LETM1: variants seen among roughly 807,000 people sequenced by gnomAD.
LETM1 encodes leucine zipper and EF-hand containing transmembrane protein 1.
Under a neutral mutation model 74.5 loss-of-function variants are expected in LETM1, and 50 were observed. The observed-to-expected ratio is 0.67, with a 90% confidence interval of 0.53 to 0.85. The LOEUF (loss-of-function observed/expected upper bound fraction) is 0.85. Among genes scored for constraint, LETM1 ranks in the 40% least tolerant of loss-of-function variants. LETM1 has a pLI of 0.00. For synonymous variants in LETM1, 446 were observed against 407.1 expected (o/e 1.10, Z -1.15); for missense variants, 824 against 967.8 (o/e 0.85, Z 1.97).
chr4:1,851,959 C>T (rs897713502), intron 1 of LETM1, among the ~76,000 whole-genome samples: 3 of 152,240 alleles, frequency 2.0e-5, no homozygotes, highest in African/African-American at 7.2e-5. Flanking sequence ...CAGTCAAGGC[C>T]GTTCGGGGTG....
rs1722484178 is a variant in LETM1 at position 1,812,029 on chromosome 4, TC to T, written c.*2394del. The T allele has an allele frequency of 6.6e-6, 1 of 151,878 alleles. No individual in the cohort carries two copies. Among genetic ancestry groups the T allele is most frequent in the African/African-American group, 2.4e-5 (1 of 41,306 alleles). The allele number at this position is 151,878 out of a possible 1,614,324, so 9.4% of individuals were successfully genotyped here. A position where few individuals can be genotyped will look rare whatever the true frequency, so the allele number is the denominator to read the frequency against. ...CTGGCTAACACGGTAAAACACTGTC[TC>T]TAATAAAAATACAAAAAAATTAGCC... On this transcript the variant is annotated 3_prime_UTR_variant, in exon 14 of 14. Transcript: ENST00000302787.
intron 2 of LETM1, among the ~76,000 whole-genome samples, chr4:1,848,727 A>G (rs1712967809): frequency 6.6e-6 from 1 of 150,890 alleles, no homozygotes; most frequent in African/African-American, 2.4e-5. Flanking sequence ...AAAAAAAAAA[A>G]AAAAAAAAAG....
intron 3 of LETM1, among the ~76,000 whole-genome samples, chr4:1,839,888 C>T (rs1321746563): frequency 6.6e-6 from 1 of 152,158 alleles, no homozygotes; most frequent in Non-Finnish European, 1.5e-5. Context: ...CCGTACATAC[C>T]TTGCCTTACG....
At chr4:1,842,703 C>T (rs558841550) in intron 2 of LETM1, among the ~76,000 whole-genome samples, 2 of 152,364 alleles carry the variant, frequency 1.3e-5, no homozygotes, top group African/African-American at 4.8e-5. Context: ...TCTCGGTCCA[C>T]GCTGCATCGG....
chr4:1,826,349 T>C (rs1260156643), intron 6 of LETM1, among the ~76,000 whole-genome samples: 6 of 152,334 alleles, frequency 3.9e-5, no homozygotes, highest in African/African-American at 1.4e-4. Flanking sequence ...CCTCCACTTC[T>C]AAAACCAAAC....
At position 1,825,619 on chromosome 4, in the gene LETM1, C is replaced by T. The variant is rs1039314263; in HGVS notation, c.1145G>A (p.Arg382Gln). The T allele has an allele frequency of 3.7e-6, 6 of 1,613,960 alleles. No homozygotes were observed. Among genetic ancestry groups the T allele is most frequent in the South Asian group, 1.1e-5 (1 of 91,090 alleles). ...VKELQAACRA[R>Q]GMRALGVTED... is the part of the protein sequence containing the mutation. ...CGTGACGCCCAGGGCCCGCATGCCT[C>T]GTGCCCGACACGCTGCCTGCAGCTC... is the stretch of plus-strand genomic sequence containing the variant. The change falls in exon 7 of 14, where the codon CGA becomes CAA. Residue 382 changes from arginine (R) to glutamine (Q), a missense_variant. This residue lies in a region of LETM1 where 269 missense variants were observed against 348.8 expected (regional missense o/e 0.77). Coordinates refer to ENST00000302787, the MANE Select transcript of LETM1 (RefSeq NM_012318.3).
In LETM1 at chr4:1,815,692, C is replaced by G; in HGVS notation, c.2042G>C (p.Gly681Ala). The change falls in exon 13 of 14, where the codon GGC (glycine) becomes GCC (alanine). Residue 681 changes from glycine to alanine, a missense_variant. Gly to Ala is a moderately conservative substitution (Grantham distance 60, BLOSUM62 0). Around this residue, in one of 4 missense-constraint regions of LETM1, gnomAD observed 161 missense variants for 252.7 expected, o/e 0.64. Coordinates refer to ENST00000302787, the MANE Select transcript of LETM1 (RefSeq NM_012318.3). ...LAAALDENKD[G>A]KVNIDDLVKV... ...GACGAGGTCGTCGATGTTGACCTTG[C>G]CATCCTTGTTTTCATCCAGTGCTGC... is the stretch of plus-strand genomic sequence containing the variant. 1 of 1,614,222 alleles carries G rather than the reference C, an allele frequency of 6.2e-7. No homozygotes were observed. The highest frequency in any genetic ancestry group is 8.5e-7 in the Non-Finnish European group (1 of 1,180,038).
chr4:1,819,552 T>G lies in LETM1; in HGVS notation c.1609-80A>C, dbSNP rs1446182343. ...GTTCCCAAGTGACCAGCTGCTCTGT[T>G]CATATTATACGGGCAGCCCAGGGCA... On this transcript the variant is annotated intron_variant, in intron 10 of 13. Transcript: ENST00000302787. 2.0e-6 allele frequency: 3 copies of G among 1,486,748 alleles called. No individual in the cohort carries two copies. The African/African-American group carries it at 4.2e-5, about 21-fold the overall frequency. 92.1% of individuals were successfully genotyped at this position (1,486,748 alleles called of 1,614,324 possible). A position where few individuals can be genotyped will look rare whatever the true frequency, so the allele number is the denominator to read the frequency against.
In LETM1 at chr4:1,813,118, C is replaced by T. The variant is rs1450961707; in HGVS notation, c.*1306G>A. ...AAAGCTGAAAGCCTCTGGAAGCCAA[C>T]TGTCCCTGCACAAAGGTTTACAATT... On this transcript the variant is annotated 3_prime_UTR_variant, in exon 14 of 14. Coordinates refer to ENST00000302787, the MANE Select transcript of LETM1 (RefSeq NM_012318.3). 6.6e-6 allele frequency: 1 copy of T among 152,424 alleles called. No homozygotes were observed. Among genetic ancestry groups the T allele is most frequent in the East Asian group, 1.9e-4 (1 of 5,342 alleles). The allele number at this position is 152,424 out of a possible 1,614,324, so 9.4% of individuals were successfully genotyped here.
chr4:1,832,452 G>C (rs1244524234), intron 6 of LETM1, among the ~76,000 whole-genome samples: 1 of 152,134 alleles, frequency 6.6e-6, no homozygotes, highest in South Asian at 2.1e-4. Context: ...TGAGGAGAGA[G>C]GCACAGAGGC....
intron 10 of LETM1, among the ~76,000 whole-genome samples, chr4:1,821,421 G>A (rs1369233670): frequency 6.6e-6 from 1 of 151,308 alleles, no homozygotes; most frequent in Non-Finnish European, 1.5e-5. Flanking sequence ...GGGTGTGGTG[G>A]CTCACACCTG....
intron 6 of LETM1, among the ~76,000 whole-genome samples, chr4:1,828,506 T>A (rs1332144543): frequency 2.7e-4 from 9 of 33,204 alleles, no homozygotes; most frequent in East Asian, 1.2e-3. Context: ...GCAGGGGGGC[T>A]GACCCCCCCC....
chr4:1,850,966 C>T (rs918795004), intron 1 of LETM1, among the ~76,000 whole-genome samples: 2 of 151,054 alleles, frequency 1.3e-5, no homozygotes, highest in African/African-American at 4.9e-5. Context: ...AGAAGAACCA[C>T]AAAAACACCA....
chr4:1,841,871 C>G, intron 2 of LETM1, 74 bp from the exon 3 acceptor site: 1 of 1,111,196 alleles, frequency 9.0e-7, no homozygotes, highest in Non-Finnish European at 1.3e-6. Flanking sequence ...CGAACACCAA[C>G]AGCAGCAAAA....
At chr4:1,830,217 T>C (rs1036729366) in intron 6 of LETM1, among the ~76,000 whole-genome samples, 1 of 152,278 alleles carries the variant, frequency 6.6e-6, no homozygotes, top group African/African-American at 2.4e-5. Flanking sequence ...ATTTCTATCA[T>C]TTTATCTTAA....
intron 1 of LETM1, among the ~76,000 whole-genome samples, chr4:1,853,155 T>G (rs1390906761): frequency 6.6e-6 from 1 of 152,120 alleles, no homozygotes; most frequent in Admixed American, 6.6e-5. Context: ...TTTCAACAAA[T>G]GGCACTGTTG....
At position 1,841,514 on chromosome 4, in the gene LETM1, G is replaced by T. The variant is rs563564100; in HGVS notation, c.427C>A (p.Pro143Thr). The T allele has an allele frequency of 1.8e-5, 29 of 1,614,100 alleles. No individual in the cohort carries two copies. Among genetic ancestry groups the T allele is most frequent in the Admixed American group, 1.0e-4 (6 of 60,010 alleles). The part of the protein sequence containing the change: ...KLEEGGPVYS[P>T]PAEVVVKKSL... ...TTCTTCACCACCACCTCTGCGGGGG[G>T]GCTGTACACCGGGCCGCCTTCCTCC... Residue 143 changes from proline (P) to threonine (T), a missense_variant, in exon 3 of 14, where the codon CCC (proline) becomes ACC (threonine). By Grantham distance (38) the Pro-to-Thr change is conservative. Coordinates refer to ENST00000302787, the MANE Select transcript of LETM1 (RefSeq NM_012318.3).
chr4:1,844,188 G>T (rs987050910), intron 2 of LETM1, among the ~76,000 whole-genome samples: 1 of 152,202 alleles, frequency 6.6e-6, no homozygotes, highest in Non-Finnish European at 1.5e-5. Context: ...ACCTGCAGGG[G>T]CCTGGTCCTC....
chr4:1,829,650 T>C (rs1028844943), intron 6 of LETM1, among the ~76,000 whole-genome samples: 1 of 152,130 alleles, frequency 6.6e-6, no homozygotes, highest in Non-Finnish European at 1.5e-5. Context: ...AGACCTCATC[T>C]CTACAAGAAA....
Sources: allele counts gnomAD v4.1 joint callset (sites outside exome capture counted in the v4.1 genomes callset), GRCh38; gene constraint gnomAD v4.1.1; regional missense constraint gnomAD v4.1.1; transcripts MANE v1.5; gene names NCBI Gene and HGNC (gene_info 2026-07-23, HGNC 2026-07-21).